The following GNA14 variants were observed in gnomAD, a reference collection of about 807,000 sequenced individuals.
GNA14 encodes the protein guanine nucleotide-binding protein subunit alpha-14.
Under a neutral mutation model 42.0 loss-of-function variants are expected in GNA14, and 50 were observed. The ratio of observed to expected loss-of-function variants is 1.19; its 90% CI spans 0.95 to 1.51. GNA14 has a LOEUF of 1.51. Ranked by LOEUF, GNA14 falls within the 40% of genes most tolerant of loss-of-function variation. GNA14 has a pLI of 0.00. For missense variants in GNA14, 473 were observed against 446.2 expected (o/e 1.06, Z -0.54); for synonymous variants, 173 against 163.1 (o/e 1.06, Z -0.46).
At chr9:77,487,222 A>C (rs1306210851) in intron 2 of GNA14, among the ~76,000 whole-genome samples, 1 of 152,172 alleles carries the variant, frequency 6.6e-6, no homozygotes, top group Non-Finnish European at 1.5e-5. Context: ...ATGAGATTAC[A>C]TCATGCTACT....
chr9:77,593,767 C>A (rs895645431), intron 1 of GNA14, among the ~76,000 whole-genome samples: 2 of 152,228 alleles, frequency 1.3e-5, no homozygotes, highest in Non-Finnish European at 1.5e-5. Flanking sequence ...GTCTTTCCAA[C>A]ACATTCTCCT....
At chr9:77,609,943 C>G (rs958590598) in intron 1 of GNA14, among the ~76,000 whole-genome samples, 1 of 152,140 alleles carries the variant, frequency 6.6e-6, no homozygotes, top group Non-Finnish European at 1.5e-5. Flanking sequence ...CTTGATCCAC[C>G]TCTTTAGGAA....
chr9:77,638,840 A>G (rs1824218188), intron 1 of GNA14, among the ~76,000 whole-genome samples: 1 of 152,186 alleles, frequency 6.6e-6, no homozygotes, highest in Non-Finnish European at 1.5e-5. Context: ...AGATTTGGCA[A>G]ATGTTTAACA....
At chr9:77,424,598 G>A (rs1233210178) in intron 6 of GNA14, among the ~76,000 whole-genome samples, 2 of 152,048 alleles carry the variant, frequency 1.3e-5, no homozygotes, top group Non-Finnish European at 1.5e-5. Context: ...CCAGGGAACG[G>A]TTTACCTGGA....
At chr9:77,635,085 AGTG>A (rs1412707935) in intron 1 of GNA14, 1 of 152,174 alleles carries the variant, frequency 6.6e-6, no homozygotes, top group Non-Finnish European at 1.5e-5. Flanking sequence ...TAAGTTCTGA[AGTG>A]GTGATTTCTG....
intron 1 of GNA14, among the ~76,000 whole-genome samples, chr9:77,538,428 C>T (rs763531705): frequency 3.9e-5 from 6 of 152,016 alleles, no homozygotes; most frequent in Admixed American, 6.6e-5. Context: ...TTTTTTGCTT[C>T]CACATGAAAC....
chr9:77,499,591 C>T (rs1311620025), intron 2 of GNA14, among the ~76,000 whole-genome samples: 2 of 152,162 alleles, frequency 1.3e-5, no homozygotes, highest in Non-Finnish European at 1.5e-5. Context: ...TGGCTCATGC[C>T]TGTAATCCCA....
chr9:77,428,711 G>A (rs1160923753), intron 5 of GNA14, among the ~76,000 whole-genome samples, 196 bp downstream of exon 5: 1 of 152,176 alleles, frequency 6.6e-6, no homozygotes, highest in Non-Finnish European at 1.5e-5. Context: ...GTAGTTGGTC[G>A]GGGTTGATTC....
In GNA14 at chr9:77,574,922, C is replaced by T. The variant is rs187326378; in HGVS notation, c.125-45669G>A. ...GTGCAAGGGAAGTGGGAAAACTTGG[C>T]GAGCACTAACTGTTAGCTGCCTCAC... On this transcript the variant is annotated intron_variant, in intron 1 of 6. Coordinates refer to ENST00000341700, the MANE Select transcript of GNA14 (RefSeq NM_004297.4). 1.8e-3 allele frequency among the ~76,000 whole-genome samples: 272 copies of T among 152,258 alleles called. 2 individuals are homozygous for T. The Middle Eastern group carries it at 0.024, about 13-fold the overall frequency.
At chr9:77,428,245 A>C (rs1835486722) in intron 5 of GNA14, among the ~76,000 whole-genome samples, 1 of 151,562 alleles carries the variant, frequency 6.6e-6, no homozygotes, top group Non-Finnish European at 1.5e-5. Flanking sequence ...CGCCCGGCTA[A>C]TTTTTTGTAT....
intron 1 of GNA14, among the ~76,000 whole-genome samples, chr9:77,577,313 G>A (rs1823143680): frequency 6.6e-6 from 1 of 152,180 alleles, no homozygotes; most frequent in African/African-American, 2.4e-5. Context: ...TCTAAAGAAT[G>A]AATTCCAGAT....
intron 1 of GNA14, among the ~76,000 whole-genome samples, chr9:77,568,491 CAAAAAAAAA>C (rs35795655): frequency 1.6e-5 from 2 of 126,872 alleles, no homozygotes; most frequent in Non-Finnish European, 3.4e-5. Flanking sequence ...GACTCCATCT[CAAAAAAAAA>C]AAAAAGAAAG....
intron 2 of GNA14, among the ~76,000 whole-genome samples, chr9:77,514,376 C>T (rs1837215865): frequency 6.6e-6 from 1 of 152,066 alleles, no homozygotes; most frequent in Non-Finnish European, 1.5e-5. Flanking sequence ...CTTCACACAG[C>T]GTCTTAATAT....
At chr9:77,523,561 G>A (rs1209295719) in intron 2 of GNA14, among the ~76,000 whole-genome samples, 2 of 152,012 alleles carry the variant, frequency 1.3e-5, no homozygotes, top group Admixed American at 6.6e-5. Context: ...ATGAGATTTG[G>A]GCACAGGCAC....
intron 1 of GNA14, among the ~76,000 whole-genome samples, chr9:77,567,093 T>A (rs1246682103): frequency 1.3e-5 from 2 of 152,148 alleles, no homozygotes; most frequent in East Asian, 1.9e-4. Flanking sequence ...TTAGAGATGA[T>A]CCTGCCAAAC....
intron 2 of GNA14, among the ~76,000 whole-genome samples, chr9:77,463,973 A>T (rs1836164656): frequency 6.6e-6 from 1 of 152,192 alleles, no homozygotes; most frequent in Non-Finnish European, 1.5e-5. Flanking sequence ...TACTTACATA[A>T]TTACCTTAGC....
intron 1 of GNA14, among the ~76,000 whole-genome samples, chr9:77,608,310 T>G (rs747155088): frequency 1.3e-5 from 2 of 152,226 alleles, no homozygotes; most frequent in African/African-American, 4.8e-5. Context: ...GTGCATAATT[T>G]GATTTCACAG....
chr9:77,496,597 G>T (rs942370154), intron 2 of GNA14, among the ~76,000 whole-genome samples: 1 of 152,192 alleles, frequency 6.6e-6, no homozygotes, highest in African/African-American at 2.4e-5. Context: ...AAACAGGAGA[G>T]CTGTGATCTG....
chr9:77,619,301 G>T (rs935862063), intron 1 of GNA14, among the ~76,000 whole-genome samples: 3 of 152,064 alleles, frequency 2.0e-5, no homozygotes, highest in Non-Finnish European at 4.4e-5. Context: ...CCGCCTCCTG[G>T]GTTCAAGTGA....
Sources: gnomAD v4.1 joint callset for allele counts (sites outside exome capture counted in the v4.1 genomes callset) on GRCh38, gnomAD v4.1.1 for gene constraint, MANE v1.5 for transcripts, NCBI Gene and HGNC (gene_info 2026-07-23, HGNC 2026-07-21) for gene names.